GDPD5: variants seen among roughly 807,000 people sequenced by gnomAD.
GDPD5 encodes glycerophosphodiester phosphodiesterase 2.
In GDPD5, 48 loss-of-function variants were observed where a neutral mutation model predicts 75.1. That is an observed-to-expected ratio of 0.64 (90% CI 0.51 to 0.81). GDPD5 has a LOEUF of 0.81. GDPD5 is among the 40% of genes least tolerant of loss of function. GDPD5 has a pLI of 0.00. For synonymous variants in GDPD5, 336 were observed against 339.0 expected (o/e 0.99, Z 0.10); for missense variants, 706 against 822.6 (o/e 0.86, Z 1.73).
intron 2 of GDPD5, among the ~76,000 whole-genome samples, chr11:75,489,380 C>T (rs565884729): frequency 5.3e-5 from 8 of 152,190 alleles, no homozygotes; most frequent in Admixed American, 2.0e-4. Flanking sequence ...CAGGCAGGTC[C>T]GAGAACCTGG....
At chr11:75,493,340 T>A (rs1051591803) in intron 1 of GDPD5, among the ~76,000 whole-genome samples, 5 of 151,248 alleles carry the variant, frequency 3.3e-5, no homozygotes, top group African/African-American at 1.2e-4. Context: ...CATTCGCTCC[T>A]AACACCTCTA....
At chr11:75,484,874 T>C (rs1474435863) in intron 2 of GDPD5, among the ~76,000 whole-genome samples, 1 of 152,158 alleles carries the variant, frequency 6.6e-6, no homozygotes, top group Non-Finnish European at 1.5e-5. Flanking sequence ...GTGCTGAGCA[T>C]TGCATAGGCG....
chr11:75,519,368 A>T (rs1021103563), intron 1 of GDPD5, among the ~76,000 whole-genome samples: 2 of 152,126 alleles, frequency 1.3e-5, no homozygotes, highest in Non-Finnish European at 2.9e-5. Context: ...CTTCCCTGTC[A>T]CATTCTGTGT....
chr11:75,503,677 T>TC (rs1307319031), intron 1 of GDPD5, among the ~76,000 whole-genome samples: 1 of 152,202 alleles, frequency 6.6e-6, no homozygotes. Context: ...CAGAGTGAGC[T>TC]CCCAGGTGCA....
chr11:75,486,693 T>C (rs1199102835), intron 2 of GDPD5, among the ~76,000 whole-genome samples: 3 of 152,162 alleles, frequency 2.0e-5, no homozygotes, highest in Non-Finnish European at 4.4e-5. Context: ...GGCAAACTCC[T>C]GCTCATCTCA....
At chr11:75,489,506 T>C (rs1414301504) in intron 2 of GDPD5, among the ~76,000 whole-genome samples, 1 of 152,260 alleles carries the variant, frequency 6.6e-6, no homozygotes, top group Non-Finnish European at 1.5e-5. Flanking sequence ...TGGCCCACCT[T>C]GAAGGTTCAT....
intron 2 of GDPD5, among the ~76,000 whole-genome samples, chr11:75,484,921 A>G (rs375053733): frequency 6.6e-4 from 101 of 152,270 alleles, no homozygotes; most frequent in African/African-American, 1.8e-3. Flanking sequence ...GCAAAGGCCA[A>G]TGGTCTTAAC....
intron 1 of GDPD5, among the ~76,000 whole-genome samples, chr11:75,515,683 G>A (rs1483122113): frequency 6.6e-6 from 1 of 152,198 alleles, no homozygotes; most frequent in African/African-American, 2.4e-5. Context: ...GCTCTGGGAT[G>A]GGCAAGTCGC....
chr11:75,449,387 C>T, intron 8 of GDPD5, 130 bp downstream of exon 8: 1 of 857,584 alleles, frequency 1.2e-6, no homozygotes, highest in East Asian at 2.7e-5. Context: ...AGCCAGAATC[C>T]CCCTCACTGA....
intron 9 of GDPD5, among the ~76,000 whole-genome samples, chr11:75,445,705 G>A (rs970635703): frequency 3.3e-5 from 5 of 152,174 alleles, no homozygotes; most frequent in Admixed American, 3.3e-4. Context: ...TGGCCACGAT[G>A]TTCCCCAGCC....
chr11:75,509,106 T>G (rs1950462300), intron 1 of GDPD5: 1 of 152,380 alleles, frequency 6.6e-6, no homozygotes, highest in Non-Finnish European at 1.5e-5. Context: ...CACCCAGGGA[T>G]GCAGGACACA....
intron 10 of GDPD5, 111 bp downstream of exon 10, chr11:75,444,302 C>T: frequency 2.6e-6 from 2 of 773,400 alleles, no homozygotes; most frequent in African/African-American, 1.7e-5. Context: ...CTAAGTCTTC[C>T]TCCTCCCATC....
chr11:75,439,442 A>G, intron 15 of GDPD5: 1 of 434,628 alleles, frequency 2.3e-6, no homozygotes, highest in Non-Finnish European at 4.7e-6. Context: ...ACAGAGAGAG[A>G]ACATCAGTCA....
chr11:75,509,401 G>C (rs910338438), intron 1 of GDPD5, among the ~76,000 whole-genome samples: 1 of 152,184 alleles, frequency 6.6e-6, no homozygotes, highest in African/African-American at 2.4e-5. Flanking sequence ...GCTCTGGCCT[G>C]GATAAAATGT....
At chr11:75,519,859 T>G (rs1466395497) in intron 1 of GDPD5, among the ~76,000 whole-genome samples, 2 of 152,342 alleles carry the variant, frequency 1.3e-5, no homozygotes, top group East Asian at 3.9e-4. Flanking sequence ...TACATTTCGG[T>G]TGGATGTGTG....
At chr11:75,448,920 T>A in intron 9 of GDPD5, 57 bp downstream of exon 9, 1 of 1,501,860 alleles carries the variant, frequency 6.7e-7, no homozygotes, top group Non-Finnish European at 8.8e-7. Flanking sequence ...CCCAAGAAGG[T>A]CCCCCCCATC....
chr11:75,468,023 C>G (rs923300450), intron 3 of GDPD5, among the ~76,000 whole-genome samples: 3 of 152,172 alleles, frequency 2.0e-5, no homozygotes, highest in African/African-American at 7.2e-5. Flanking sequence ...TCACAGAGCA[C>G]GACTGCAGCC....
At chr11:75,445,557 C>T (rs899472150) in intron 9 of GDPD5, among the ~76,000 whole-genome samples, 2 of 152,180 alleles carry the variant, frequency 1.3e-5, no homozygotes, top group Non-Finnish European at 2.9e-5. Context: ...GAGGGATGGT[C>T]GGAGGGAAGG....
chr11:75,483,616 G>A (rs1218924016), intron 2 of GDPD5, among the ~76,000 whole-genome samples: 3 of 152,172 alleles, frequency 2.0e-5, no homozygotes, highest in African/African-American at 7.2e-5. Flanking sequence ...TCTTCCCTGA[G>A]CCTTACTTTA....
Sources: gnomAD v4.1 joint callset for allele counts (sites outside exome capture counted in the v4.1 genomes callset) on GRCh38, gnomAD v4.1.1 for gene constraint, MANE v1.5 for transcripts, NCBI Gene and HGNC (gene_info 2026-07-23, HGNC 2026-07-21) for gene names.